The following DLG2 variants were observed in gnomAD, a reference collection of about 807,000 sequenced individuals.
DLG2 encodes the protein discs large MAGUK scaffold protein 2.
Under a neutral mutation model 132.5 loss-of-function variants are expected in DLG2, and 45 were observed. The observed-to-expected ratio is 0.34, with a 90% confidence interval of 0.27 to 0.44. The LOEUF is 0.44. DLG2 is among the 20% of genes least tolerant of loss of function. DLG2 has a pLI of 1.00. For missense variants in DLG2, 1,045 were observed against 1,196.9 expected, an observed-to-expected ratio of 0.87 and a Z score of 1.87; for synonymous variants, 424 against 419.6, an observed-to-expected ratio of 1.01 and a Z score of -0.13.
At chr11:84,585,027 A>G (rs958285987) in intron 6 of DLG2, among the ~76,000 whole-genome samples, 3 of 152,068 alleles carry the variant, frequency 2.0e-5, no homozygotes, top group South Asian at 2.1e-4. Flanking sequence ...ACATCTTTCA[A>G]TTATTGGTTC....
At chr11:84,774,893 A>T (rs2070165330) in intron 6 of DLG2, among the ~76,000 whole-genome samples, 1 of 152,264 alleles carries the variant, frequency 6.6e-6, no homozygotes, top group Middle Eastern at 3.4e-3. Context: ...TTATGACTAC[A>T]TCCTCAAAAG....
chr11:84,572,357 T>C (rs2099487391), intron 6 of DLG2, among the ~76,000 whole-genome samples: 1 of 152,140 alleles, frequency 6.6e-6, no homozygotes, highest in Non-Finnish European at 1.5e-5. Flanking sequence ...GCAAAAGTGA[T>C]GTTGTAGTAG....
At chr11:85,120,343 C>T (rs904423166) in intron 5 of DLG2, among the ~76,000 whole-genome samples, 4 of 151,994 alleles carry the variant, frequency 2.6e-5, no homozygotes, top group African/African-American at 9.7e-5. Flanking sequence ...TTAAACAGAA[C>T]TTTAGATTTC....
chr11:84,979,623 A>C (rs2055436554), intron 6 of DLG2, among the ~76,000 whole-genome samples: 1 of 149,472 alleles, frequency 6.7e-6, no homozygotes, highest in Non-Finnish European at 1.5e-5. Flanking sequence ...ACTTGGACAC[A>C]GGAAGGGGAA....
At chr11:83,479,707 A>G (rs2092941894) in intron 22 of DLG2, among the ~76,000 whole-genome samples, 1 of 152,104 alleles carries the variant, frequency 6.6e-6, no homozygotes, top group African/African-American at 2.4e-5. Flanking sequence ...ACCAGAAATA[A>G]CTTTTAAATA....
At chr11:85,543,163 T>C (rs775563272) in intron 3 of DLG2, among the ~76,000 whole-genome samples, 23 of 152,084 alleles carry the variant, frequency 1.5e-4, no homozygotes, top group Non-Finnish European at 2.9e-4. Flanking sequence ...CAGGCTCTGG[T>C]GTGTGATGTT....
At chr11:84,964,214 T>C (rs1326762436) in intron 6 of DLG2, among the ~76,000 whole-genome samples, 3 of 152,250 alleles carry the variant, frequency 2.0e-5, no homozygotes, top group African/African-American at 7.2e-5. Context: ...AAGTATTTGA[T>C]TGGAAATCAT....
intron 6 of DLG2, among the ~76,000 whole-genome samples, chr11:85,006,438 T>C (rs979387449): frequency 2.6e-5 from 4 of 152,344 alleles, no homozygotes; most frequent in Non-Finnish European, 5.9e-5. Context: ...ACACAACTTC[T>C]TCCTGGTTAA....
chr11:84,576,628 G>T (rs555589557), intron 6 of DLG2, among the ~76,000 whole-genome samples: 19 of 152,256 alleles, frequency 1.2e-4, no homozygotes, highest in Non-Finnish European at 2.2e-4. Context: ...AACAGCAAGT[G>T]CACAAAAATG....
intron 2 of DLG2, among the ~76,000 whole-genome samples, chr11:85,606,552 A>G (rs570421143): frequency 6.6e-6 from 1 of 152,332 alleles, no homozygotes; most frequent in Admixed American, 6.5e-5. Flanking sequence ...TGGACCAATC[A>G]GCAGGATGTG....
intron 15 of DLG2, among the ~76,000 whole-genome samples, chr11:83,879,594 A>G (rs1177075611): frequency 6.6e-6 from 1 of 152,210 alleles, no homozygotes; most frequent in Non-Finnish European, 1.5e-5. Flanking sequence ...ATATCCAATC[A>G]GTACCTCAAA....
At chr11:84,720,956 G>A (rs1487049983) in intron 6 of DLG2, 1 of 152,096 alleles carries the variant, frequency 6.6e-6, no homozygotes, top group Non-Finnish European at 1.5e-5. Context: ...GTGGGAGGAA[G>A]GGGCTGAGAA....
intron 3 of DLG2, among the ~76,000 whole-genome samples, chr11:85,401,934 C>T (rs2088166256): frequency 6.6e-6 from 1 of 151,842 alleles, no homozygotes; most frequent in Admixed American, 6.6e-5. Context: ...TTTATAGATT[C>T]AATGCCATCC....
chr11:84,111,354 C>T (rs2154192566), intron 9 of DLG2, among the ~76,000 whole-genome samples: 1 of 152,272 alleles, frequency 6.6e-6, no homozygotes, highest in South Asian at 2.1e-4. Flanking sequence ...AAGGCCCTTC[C>T]TTCTGGGCTT....
At chr11:85,081,210 T>C (rs986104777) in intron 6 of DLG2, among the ~76,000 whole-genome samples, 1 of 152,188 alleles carries the variant, frequency 6.6e-6, no homozygotes, top group African/African-American at 2.4e-5. Flanking sequence ...TCAAACCTGC[T>C]GAAAAGAGCA....
intron 3 of DLG2, among the ~76,000 whole-genome samples, chr11:85,419,167 C>A (rs2090100146): frequency 6.6e-6 from 1 of 152,158 alleles, no homozygotes; most frequent in South Asian, 2.1e-4. Flanking sequence ...AATTCTATTT[C>A]TCCTTCGCTT....
intron 6 of DLG2, among the ~76,000 whole-genome samples, chr11:84,568,583 C>T (rs2099467306): frequency 6.6e-6 from 1 of 152,162 alleles, no homozygotes; most frequent in Non-Finnish European, 1.5e-5. Context: ...TGTTGGGAGG[C>T]TCAACCTAAC....
intron 7 of DLG2, among the ~76,000 whole-genome samples, chr11:84,477,807 A>G (rs2099125813): frequency 6.6e-6 from 1 of 152,194 alleles, no homozygotes; most frequent in African/African-American, 2.4e-5. Context: ...AGATGAGAGT[A>G]TGTGCTGAAG....
At chr11:84,802,888 C>A (rs1409796266) in intron 6 of DLG2, among the ~76,000 whole-genome samples, 1 of 152,122 alleles carries the variant, frequency 6.6e-6, no homozygotes, top group Non-Finnish European at 1.5e-5. Flanking sequence ...CAACCTCCAC[C>A]TCCCGGGTTC....
Sources: gnomAD v4.1 joint callset for allele counts (sites outside exome capture counted in the v4.1 genomes callset) on GRCh38, gnomAD v4.1.1 for gene constraint, MANE v1.5 for transcripts, NCBI Gene and HGNC (gene_info 2026-07-23, HGNC 2026-07-21) for gene names.